The following PDXDC1 variants were observed in gnomAD, a reference collection of about 807,000 sequenced individuals.
PDXDC1 encodes pyridoxal dependent decarboxylase domain containing 1.
Under a neutral mutation model 100.1 loss-of-function variants are expected in PDXDC1, and 42 were observed. The ratio of observed to expected loss-of-function variants is 0.42; its 90% CI spans 0.33 to 0.54. The LOEUF (loss-of-function observed/expected upper bound fraction) is 0.54, where lower values mean the gene tolerates loss of function less well. Ranked by LOEUF, PDXDC1 falls within the 20% of genes least tolerant of loss-of-function variation. The pLI, the probability that PDXDC1 is intolerant of heterozygous loss-of-function variation, is 0.10. For synonymous variants in PDXDC1, 260 were observed against 371.7 expected, an observed-to-expected ratio of 0.70 and a Z score of 3.46; for missense variants, 636 against 979.2, an observed-to-expected ratio of 0.65 and a Z score of 4.68.
At chr16:15,084,791 C>A (rs1364047149) in intron 16 of PDXDC1, 1 of 907,162 alleles carries the variant, frequency 1.1e-6, no homozygotes, top group Non-Finnish European at 1.8e-6. Flanking sequence ...GCTGGCTGGG[C>A]ACAGTGGCTC....
At chr16:15,149,603 TC>T in the PDXDC1 span, among the ~76,000 whole-genome samples, 1 of 152,154 alleles carries the variant, frequency 6.6e-6, no homozygotes, top group Non-Finnish European at 1.5e-5. Context: ...CCCTACACTC[TC>T]CCACACTCTC....
At position 15,130,191 on chromosome 16, in the gene PDXDC1, G is replaced by A. The variant is rs1439488362; in HGVS notation, c.1400-8688G>A. On this transcript the variant is annotated intron_variant, in intron 16 of 16. Transcript: ENST00000535621. ...CTCTGCAGAGGCTCCCAGGAGCACA[G>A]GGTCACTCACAGGAAACACAAAGCG... The A allele has an allele frequency of 1.9e-6, 3 of 1,547,662 alleles. No homozygotes were observed. In the South Asian group the frequency reaches 3.6e-5, roughly 18 times the overall value.
chr16:15,128,640 C>T (rs1199002750), intron 16 of PDXDC1, among the ~76,000 whole-genome samples: 6 of 151,870 alleles, frequency 4.0e-5, no homozygotes, highest in African/African-American at 9.7e-5. Context: ...TGGCTGCACA[C>T]GCCTCAGTCC....
rs531722625 is a variant in PDXDC1 at position 15,048,302 on chromosome 16, G to A, written c.1399+18246G>A. Among the ~76,000 whole-genome samples, 11 of 152,330 alleles carry A rather than the reference G, an allele frequency of 7.2e-5. No individual in the cohort carries two copies. In the South Asian group the frequency reaches 1.2e-3, roughly 17 times the overall value. ...CAGAGAAAACGATGCGGTTCTGCGC[G>A]GTGGTTTTTTTAACCTATGAAATCG... On this transcript the variant is annotated intron_variant, in intron 16 of 16. Transcript: ENST00000535621.
intron 16 of PDXDC1, among the ~76,000 whole-genome samples, chr16:15,057,501 G>C (rs1265717799): frequency 6.6e-6 from 1 of 152,198 alleles, no homozygotes; most frequent in Non-Finnish European, 1.5e-5. Context: ...TCCAAAGGCA[G>C]TGCTCTCCAT....
chr16:15,123,879 T>G (rs1269152876), intron 16 of PDXDC1, among the ~76,000 whole-genome samples: 167 of 143,456 alleles, frequency 1.2e-3, no homozygotes, highest in Admixed American at 2.2e-3. Flanking sequence ...CCCTCTGGCC[T>G]GGGAATTCCT....
At chr16:15,125,503 GAC>G (rs2047661386) in intron 16 of PDXDC1, 15 of 1,398,800 alleles carry the variant, frequency 1.1e-5, no homozygotes, top group Middle Eastern at 5.0e-4. Flanking sequence ...CGGTACTCCA[GAC>G]ACAGTGACCT....
chr16:15,041,627 C>T (rs1232774063), downstream of PDXDC1: 3 of 1,609,300 alleles, frequency 1.9e-6, no homozygotes, highest in Admixed American at 5.0e-5. Context: ...ACTTACCTGT[C>T]ACACATAATG....
intron 16 of PDXDC1, among the ~76,000 whole-genome samples, chr16:15,048,768 C>G (rs960421972): frequency 1.3e-5 from 2 of 152,142 alleles, no homozygotes; most frequent in Non-Finnish European, 2.9e-5. Flanking sequence ...GGACTACAGG[C>G]TTGCACCACC....
intron 16 of PDXDC1, among the ~76,000 whole-genome samples, chr16:15,080,949 T>C (rs1354380057): frequency 6.6e-6 from 1 of 152,210 alleles, no homozygotes; most frequent in Non-Finnish European, 1.5e-5. Flanking sequence ...GGCATGTTTT[T>C]AGGGTTCAAT....
In PDXDC1 at chr16:15,026,689, A is replaced by T. The variant is rs532163268; in HGVS notation, c.1187A>T (p.Gln396Leu). The T allele has an allele frequency of 1.9e-5, 31 of 1,613,900 alleles. No individual in the cohort carries two copies. In the South Asian group the frequency reaches 3.4e-4, roughly 18 times the overall value. ...CCAGTGGTGGTGTTCAGATTTTTCC[A>T]GGAATTACCAGGCTCAGGTCGGTGA... ...SSPVVVFRFF[Q>L]ELPGSDPVFK... Residue 396 changes from glutamine to leucine, a missense_variant, in exon 14 of 23, where the codon CAG becomes CTG. Gln to Leu is a moderately radical substitution (Grantham distance 113). Around this residue, in one of 4 missense-constraint regions of PDXDC1, gnomAD observed 125 missense variants for 479.9 expected, o/e 0.26. Transcript: ENST00000396410.
intron 12 of PDXDC1, among the ~76,000 whole-genome samples, 191 bp downstream of exon 12, chr16:15,019,156 C>T (rs1015158006): frequency 6.6e-6 from 1 of 152,254 alleles, no homozygotes; most frequent in Non-Finnish European, 1.5e-5. Context: ...GTTGTCTGTC[C>T]CAGCATTTGT....
intron 16 of PDXDC1, among the ~76,000 whole-genome samples, chr16:15,055,185 GCT>G (rs1050832508): frequency 2.0e-5 from 3 of 151,908 alleles, no homozygotes; most frequent in Admixed American, 6.6e-5. Context: ...GCCACGCCCC[GCT>G]CTTTTTAAAA....
intron 16 of PDXDC1, among the ~76,000 whole-genome samples, chr16:15,089,806 A>AG (rs1206566769): frequency 6.7e-6 from 1 of 149,794 alleles, no homozygotes; most frequent in East Asian, 1.9e-4. Context: ...AAAAAAAAAA[A>AG]AAAAACAGAT....
upstream of PDXDC1, chr16:14,974,989 G>T (rs1286137789): frequency 6.5e-7 from 1 of 1,535,228 alleles, no homozygotes; most frequent in East Asian, 2.4e-5. Context: ...GAATCCCAGA[G>T]GGCTCCGCCC....
At chr16:15,021,559 T>C (rs1325198596) in intron 12 of PDXDC1, among the ~76,000 whole-genome samples, 2 of 152,278 alleles carry the variant, frequency 1.3e-5, no homozygotes, top group African/African-American at 4.8e-5. Flanking sequence ...TTTTTCAATA[T>C]CCCGTGGCTA....
Position 15,092,663 on chromosome 16 carries a change from A to T in PDXDC1, c.1400-46216A>T, listed in dbSNP as rs781414674. ...TATTAAGTTCATGAAAATAATAAAA[A>T]TTATAATAGCCAACATTTATTGAAC... On this transcript the variant is annotated intron_variant, in intron 16 of 16. Coordinates refer to the PDXDC1 transcript ENST00000535621. 3 of 1,178,242 alleles carry T rather than the reference A, an allele frequency of 2.5e-6. No homozygotes were observed. In the South Asian group the frequency reaches 3.7e-5, roughly 15 times the overall value. The allele number at this position is 1,178,242 out of a possible 1,614,324, so 73.0% of individuals were successfully genotyped here.
rs2151666284 is a variant in PDXDC1 at position 15,036,430 on chromosome 16, C to T, written c.*155C>T. The T allele has an allele frequency of 1.4e-6, 1 of 692,750 alleles. No homozygotes were observed. The highest frequency in any genetic ancestry group is 2.4e-6 in the Non-Finnish European group (1 of 415,614). 42.9% of individuals were successfully genotyped at this position (692,750 alleles called of 1,614,324 possible). On this transcript the variant is annotated 3_prime_UTR_variant, in exon 23 of 23. Coordinates refer to ENST00000396410, the MANE Select transcript of PDXDC1 (RefSeq NM_015027.4). ...AATATGTGCCTGAAAGGTAGGCTTTCTAGGAGGGGAGTCAGCTTGTCTAAC... is the reference window on the plus strand; with the variant it reads ...AATATGTGCCTGAAAGGTAGGCTTTTTAGGAGGGGAGTCAGCTTGTCTAAC...
chr16:15,149,343 G>A, the PDXDC1 span, among the ~76,000 whole-genome samples: 1 of 152,182 alleles, frequency 6.6e-6, no homozygotes, highest in African/African-American at 2.4e-5. Flanking sequence ...AGTGATAACG[G>A]AGCCCTCGAG....
Sources: gnomAD v4.1 joint callset for allele counts (sites outside exome capture counted in the v4.1 genomes callset) on GRCh38, gnomAD v4.1.1 for gene constraint, gnomAD v4.1.1 regional missense constraint, MANE v1.5 for transcripts, NCBI Gene and HGNC (gene_info 2026-07-23, HGNC 2026-07-21) for gene names.